BEND5: variants seen among roughly 807,000 people sequenced by gnomAD.
BEND5 encodes the protein BEN domain-containing protein 5.
BEND5 carries 22 observed loss-of-function variants against 43.9 expected under a neutral mutation model. The ratio of observed to expected loss-of-function variants is 0.50; its 90% CI spans 0.36 to 0.72. The LOEUF (loss-of-function observed/expected upper bound fraction) is 0.72. BEND5 is among the 30% of genes least tolerant of loss of function. The probability of loss-of-function intolerance (pLI) is 0.00; values close to 1 mark genes in which losing one functional copy is unlikely to be tolerated. For missense variants in BEND5, 428 were observed against 550.6 expected (o/e 0.78, Z 2.23); for synonymous variants, 228 against 225.9 (o/e 1.01, Z -0.08).
intron 5 of BEND5, among the ~76,000 whole-genome samples, chr1:48,735,230 T>C (rs1362896755): frequency 6.6e-6 from 1 of 152,222 alleles, no homozygotes; most frequent in African/African-American, 2.4e-5. Context: ...TACACCATGG[T>C]CTGTCTCTAT....
intron 3 of BEND5, among the ~76,000 whole-genome samples, chr1:48,751,535 T>C (rs1483418522): frequency 1.3e-5 from 2 of 152,208 alleles, no homozygotes; most frequent in African/African-American, 4.8e-5. Context: ...ACTGCTGAGG[T>C]TGTTTTATAT....
intron 5 of BEND5, 21 bp from the exon 6 acceptor site, chr1:48,728,064 A>C (rs1413304806): frequency 6.4e-7 from 1 of 1,566,020 alleles, no homozygotes; most frequent in Admixed American, 1.8e-5. Flanking sequence ...AGAAGAAACA[A>C]GGCCAAGGAT....
At chr1:48,772,792 T>C (rs1644901652) in intron 1 of BEND5, among the ~76,000 whole-genome samples, 1 of 152,234 alleles carries the variant, frequency 6.6e-6, no homozygotes. Flanking sequence ...CTGACCTGAA[T>C]GCAGGCAGTG....
At chr1:48,761,067 C>G (rs1280952105) in intron 2 of BEND5, 1 of 329,790 alleles carries the variant, frequency 3.0e-6, no homozygotes, top group Non-Finnish European at 5.6e-6. Flanking sequence ...AGAAACACAC[C>G]GTTCCAAACC....
intron 5 of BEND5, among the ~76,000 whole-genome samples, chr1:48,731,820 G>T (rs1648182062): frequency 6.6e-6 from 1 of 152,184 alleles, no homozygotes. Flanking sequence ...TGCTTCTATG[G>T]CATGTTTAGA....
At chr1:48,735,480 A>T (rs1191793334) in intron 5 of BEND5, among the ~76,000 whole-genome samples, 1 of 151,702 alleles carries the variant, frequency 6.6e-6, no homozygotes, top group Non-Finnish European at 1.5e-5. Flanking sequence ...AAAGGAAGGA[A>T]GGAAAAAGGA....
At chr1:48,760,384 T>C (rs1205082731) in intron 2 of BEND5, among the ~76,000 whole-genome samples, 1 of 152,158 alleles carries the variant, frequency 6.6e-6, no homozygotes. Flanking sequence ...TTCAGGAAAT[T>C]TAAGGAAAAC....
chr1:48,749,242 T>C (rs1232455642), intron 3 of BEND5, among the ~76,000 whole-genome samples: 1 of 152,156 alleles, frequency 6.6e-6, no homozygotes, highest in Non-Finnish European at 1.5e-5. Flanking sequence ...TCTCTTTTTT[T>C]CTCTCTGTAG....
intron 3 of BEND5, among the ~76,000 whole-genome samples, chr1:48,748,527 G>A (rs1651131326): frequency 6.6e-6 from 1 of 152,182 alleles, no homozygotes; most frequent in Non-Finnish European, 1.5e-5. Context: ...GCTGCCTCTG[G>A]AGGAGACTAG....
At chr1:48,737,289 G>T (rs555313829) in intron 4 of BEND5, among the ~76,000 whole-genome samples, 7 of 151,078 alleles carry the variant, frequency 4.6e-5, no homozygotes, top group African/African-American at 1.5e-4. Context: ...GTCTCAAAAA[G>T]AAAAAAGAAA....
intron 1 of BEND5, among the ~76,000 whole-genome samples, chr1:48,768,547 G>T (rs1162306575): frequency 6.6e-6 from 1 of 152,172 alleles, no homozygotes; most frequent in Non-Finnish European, 1.5e-5. Context: ...AAACAAGCAG[G>T]TGACAGGAAA....
rs917660450 is a variant in BEND5 at position 48,728,053 on chromosome 1, G to T, written c.1109-10C>A. On this transcript the variant is annotated splice_polypyrimidine_tract_variant and intron_variant, in intron 5 of 5. Transcript: ENST00000371833. ...CTGTCATACAAACACTCTAGACGGG[G>T]AGAAGAAACAAGGCCAAGGATTAAT... is the stretch of plus-strand genomic sequence containing the variant. 1.3e-6 allele frequency: 2 copies of T among 1,572,292 alleles called. No homozygotes were observed. Among genetic ancestry groups the T allele is most frequent in the Non-Finnish European group, 1.7e-6 (2 of 1,155,044 alleles).
intron 3 of BEND5, among the ~76,000 whole-genome samples, chr1:48,757,387 A>G (rs560343245): frequency 1.2e-4 from 18 of 152,218 alleles, no homozygotes; most frequent in Non-Finnish European, 2.4e-4. Flanking sequence ...GAACTTTACT[A>G]ACTTTTGAAG....
At position 48,730,607 on chromosome 1, in the gene BEND5, A is replaced by C. The variant is rs543984105; in HGVS notation, c.1109-2564T>G. On this transcript the variant is annotated intron_variant, in intron 5 of 5. Transcript: ENST00000371833. ...GGTGCAAATGGAGGAAGGTTTTTGG[A>C]GGAGCCCCCATAGAATTTCAATCAT... is the stretch of plus-strand genomic sequence containing the variant. Among the ~76,000 whole-genome samples the C allele has an allele frequency of 4.0e-4, 61 of 152,256 alleles. 1 individual carries two copies. The highest frequency in any genetic ancestry group is 1.2e-3 in the Admixed American group (19 of 15,300).
At chr1:48,758,825 T>A in intron 3 of BEND5, 75 bp downstream of exon 3, 1 of 1,353,668 alleles carries the variant, frequency 7.4e-7, no homozygotes, top group Non-Finnish European at 9.9e-7. Context: ...CCTCTCCCCT[T>A]TCCCTTCCTG....
At chr1:48,762,197 C>T (rs1644293044) in intron 1 of BEND5, among the ~76,000 whole-genome samples, 1 of 152,128 alleles carries the variant, frequency 6.6e-6, no homozygotes, top group African/African-American at 2.4e-5. Flanking sequence ...CCTCTGGCAC[C>T]TCGCCCACTG....
At chr1:48,731,526 T>C (rs1030130534) in intron 5 of BEND5, among the ~76,000 whole-genome samples, 3 of 151,990 alleles carry the variant, frequency 2.0e-5, no homozygotes, top group Admixed American at 1.3e-4. Context: ...GACAGCAGCA[T>C]CCACCCACCC....
chr1:48,739,586 T>C lies in BEND5; in HGVS notation c.894+3037A>G, dbSNP rs76476772. On this transcript the variant is annotated intron_variant, in intron 4 of 5. Coordinates refer to ENST00000371833, the MANE Select transcript of BEND5 (RefSeq NM_024603.4). ...GCCTGGGTGTAAATCTCAGCTATTCTACCTGCGTGCTGGTTAACTTGGGCC... is the reference window on the plus strand; with the variant it reads ...GCCTGGGTGTAAATCTCAGCTATTCCACCTGCGTGCTGGTTAACTTGGGCC... Among the ~76,000 whole-genome samples, 914 of 152,298 alleles carry C rather than the reference T, an allele frequency of 6.0e-3. 10 individuals are homozygous for C. The highest frequency in any genetic ancestry group is 0.021 in the African/African-American group (864 of 41,562).
At position 48,736,705 on chromosome 1, in the gene BEND5, C is replaced by T. The variant is rs1649115285; in HGVS notation, c.895-253G>A. On this transcript the variant is annotated intron_variant, in intron 4 of 5. Coordinates refer to ENST00000371833, the MANE Select transcript of BEND5 (RefSeq NM_024603.4). The surrounding 1 kb of genome is among the most constrained non-coding windows in gnomAD (Gnocchi z 4.0). ...ATTGTGGATAGAAGGCATTATAACA[C>T]CATTTTCCTTTCAGATGGAAACACC... Among the ~76,000 whole-genome samples, 1 of 152,166 alleles carries T rather than the reference C, an allele frequency of 6.6e-6. No homozygotes were observed. The highest frequency in any genetic ancestry group is 2.4e-5 in the African/African-American group (1 of 41,414).
Sources: allele counts gnomAD v4.1 joint callset (sites outside exome capture counted in the v4.1 genomes callset), GRCh38; gene constraint gnomAD v4.1.1; non-coding constraint Gnocchi (gnomAD v3.1); transcripts MANE v1.5; gene names NCBI Gene and HGNC (gene_info 2026-07-23, HGNC 2026-07-21).